Variants in CHD6 observed in about 807,000 individuals in gnomAD.
CHD6 encodes the protein chromodomain helicase DNA binding protein 6.
CHD6 carries 50 observed loss-of-function variants against 276.9 expected under a neutral mutation model. The observed-to-expected ratio is 0.18, with a 90% CI of 0.14 to 0.23. The LOEUF (loss-of-function observed/expected upper bound fraction) is 0.23. Ranked by LOEUF, CHD6 falls within the 10% of genes least tolerant of loss-of-function variation. The pLI is 1.00. For missense variants in CHD6, 2,564 were observed against 3,365.8 expected (o/e 0.76, Z 5.89); for synonymous variants, 1,173 against 1,229.3 (o/e 0.95, Z 0.96).
Position 41,514,864 on chromosome 20 carries a change from C to G in CHD6, c.643G>C (p.Gly215Arg), listed in dbSNP as rs141166557. ...TTVESLELDQ[G>R]LTNPSLRSPE... ...CTCCGCAGAGATGGGTTCGTCAGGC[C>G]CTGATCCAGCTCTAAACTCTCCACT... Residue 215 changes from glycine (G) to arginine (R), a missense_variant, in exon 4 of 37, where the codon GGC (glycine) becomes CGC (arginine). By Grantham distance (125) the Gly-to-Arg change is moderately radical. Coordinates refer to ENST00000373233, the MANE Select transcript of CHD6 (RefSeq NM_032221.5). The G allele has an allele frequency of 2.5e-6, 4 of 1,613,908 alleles. No homozygotes were observed. In the African/African-American group the frequency reaches 5.3e-5, roughly 22 times the overall value.
intron 1 of CHD6, among the ~76,000 whole-genome samples, chr20:41,605,049 G>A (rs929836279): frequency 1.3e-5 from 2 of 152,154 alleles, no homozygotes; most frequent in Admixed American, 6.5e-5. Context: ...CTATGTAGGA[G>A]AATGCCTTTT....
intron 1 of CHD6, among the ~76,000 whole-genome samples, chr20:41,593,603 T>C (rs537041345): frequency 6.6e-6 from 1 of 152,336 alleles, no homozygotes; most frequent in Non-Finnish European, 1.5e-5. Flanking sequence ...ACATGGGTGT[T>C]ATAAGCTGCA....
At chr20:41,583,102 A>C (rs2045558144) in intron 1 of CHD6, among the ~76,000 whole-genome samples, 1 of 152,168 alleles carries the variant, frequency 6.6e-6, no homozygotes, top group Non-Finnish European at 1.5e-5. Context: ...AAAGGCTAAG[A>C]ATTCTCCAAA....
intron 1 of CHD6, among the ~76,000 whole-genome samples, chr20:41,613,807 C>T (rs1250615411): frequency 5.9e-5 from 9 of 152,086 alleles, no homozygotes; most frequent in South Asian, 2.1e-4. Context: ...ATGGATTGTC[C>T]GCCTATAAAA....
At chr20:41,491,498 A>G (rs1454190303) in intron 11 of CHD6, among the ~76,000 whole-genome samples, 200 bp downstream of exon 11, 1 of 151,206 alleles carries the variant, frequency 6.6e-6, no homozygotes, top group Non-Finnish European at 1.5e-5. Flanking sequence ...AGTGATGTCT[A>G]AAGATCATTC....
At chr20:41,428,179 G>A (rs1204175565) in intron 27 of CHD6, among the ~76,000 whole-genome samples, 1 of 152,236 alleles carries the variant, frequency 6.6e-6, no homozygotes, top group Non-Finnish European at 1.5e-5. Context: ...AGTAAGGAAA[G>A]CTTTGAGCAT....
chr20:41,488,788 C>T (rs2043479990), intron 12 of CHD6, among the ~76,000 whole-genome samples, 184 bp from the exon 13 acceptor site: 1 of 152,188 alleles, frequency 6.6e-6, no homozygotes, highest in African/African-American at 2.4e-5. Flanking sequence ...GAAGGCCTCA[C>T]ACCATCAATG....
chr20:41,520,421 A>G (rs938835223), intron 3 of CHD6, among the ~76,000 whole-genome samples: 2 of 152,192 alleles, frequency 1.3e-5, no homozygotes, highest in African/African-American at 4.8e-5. Context: ...GAACCAACCC[A>G]AATGTCCAAC....
intron 1 of CHD6, among the ~76,000 whole-genome samples, chr20:41,588,156 T>G (rs943977108): frequency 1.3e-5 from 2 of 152,156 alleles, no homozygotes; most frequent in Non-Finnish European, 2.9e-5. Flanking sequence ...CAAGAAAACC[T>G]GCTTATGAAA....
chr20:41,557,560 C>T (rs1250635336), intron 1 of CHD6, among the ~76,000 whole-genome samples: 1 of 152,096 alleles, frequency 6.6e-6, no homozygotes, highest in Non-Finnish European at 1.5e-5. Context: ...CATTTATTCA[C>T]AGAAATGATT....
intron 10 of CHD6, 143 bp from the exon 11 acceptor site, chr20:41,491,962 T>C: frequency 2.4e-6 from 2 of 827,732 alleles, no homozygotes; most frequent in Non-Finnish European, 3.8e-6. Flanking sequence ...AACGTATAGG[T>C]TGGGGGAACT....
In CHD6 at chr20:41,404,181, A is replaced by T; in HGVS notation, c.*412T>A. Reference sequence around the variant, plus strand: ...GTTCCCTGTGACATTCTTCCTGTGCAACCCAGCTCACAGAAAAAGAGCTCC... The same window carrying T: ...GTTCCCTGTGACATTCTTCCTGTGCTACCCAGCTCACAGAAAAAGAGCTCC... On this transcript the variant is annotated 3_prime_UTR_variant, in exon 37 of 37. Coordinates refer to ENST00000373233, the MANE Select transcript of CHD6 (RefSeq NM_032221.5). 9.4e-7 allele frequency: 1 copy of T among 1,064,502 alleles called. No individual in the cohort carries two copies. Among genetic ancestry groups the T allele is most frequent in the Non-Finnish European group, 1.1e-6 (1 of 879,496 alleles). The allele number at this position is 1,064,502 out of a possible 1,614,324, so 65.9% of individuals were successfully genotyped here.
chr20:41,546,127 G>C (rs1027316088), intron 2 of CHD6, among the ~76,000 whole-genome samples: 2 of 148,176 alleles, frequency 1.3e-5, no homozygotes, highest in Non-Finnish European at 2.9e-5. Context: ...TTCTGAACTA[G>C]TATTAATAAA....
chr20:41,463,331 T>C (rs2042845354), intron 17 of CHD6, among the ~76,000 whole-genome samples: 1 of 152,212 alleles, frequency 6.6e-6, no homozygotes, highest in African/African-American at 2.4e-5. Context: ...AAATAATCAA[T>C]GGATGCTAAA....
rs539937184 is a variant in CHD6 at position 41,547,542 on chromosome 20, A to T, written c.33+3763T>A. The T allele has an allele frequency of 3.1e-4, 146 of 471,924 alleles. 2 individuals carry two copies. Among genetic ancestry groups the T allele is most frequent in the Middle Eastern group, 2.9e-3 (4 of 1,366 alleles). 29.2% of individuals were successfully genotyped at this position (471,924 alleles called of 1,614,324 possible). On this transcript the variant is annotated intron_variant, in intron 2 of 36. Coordinates refer to ENST00000373233, the MANE Select transcript of CHD6 (RefSeq NM_032221.5). ...AAGACCCCTGGGTCTGTCTCCCAAA[A>T]AGGTTGATGATGACATTGCCAAGGC...
At chr20:41,419,992 G>C (rs1397224624) in intron 31 of CHD6, among the ~76,000 whole-genome samples, 1 of 152,164 alleles carries the variant, frequency 6.6e-6, no homozygotes, top group Non-Finnish European at 1.5e-5. Context: ...TTACTGAAAG[G>C]AATCTAAATC....
intron 2 of CHD6, among the ~76,000 whole-genome samples, chr20:41,539,944 T>C (rs1191768637): frequency 1.3e-5 from 2 of 152,210 alleles, no homozygotes; most frequent in African/African-American, 4.8e-5. Flanking sequence ...TATGGTCTAA[T>C]CACATTTTTG....
chr20:41,606,238 G>A (rs2045826702), intron 1 of CHD6, among the ~76,000 whole-genome samples: 1 of 152,118 alleles, frequency 6.6e-6, no homozygotes, highest in Non-Finnish European at 1.5e-5. Flanking sequence ...CTGGCCAGGT[G>A]TGGTAGCTCA....
intron 23 of CHD6, among the ~76,000 whole-genome samples, chr20:41,450,641 G>A (rs1295091967): frequency 1.3e-5 from 2 of 152,158 alleles, no homozygotes; most frequent in African/African-American, 4.8e-5. Flanking sequence ...TTGTTAATGT[G>A]ACCTCAGGGG....
Sources: allele counts gnomAD v4.1 joint callset (sites outside exome capture counted in the v4.1 genomes callset), GRCh38; gene constraint gnomAD v4.1.1; transcripts MANE v1.5; gene names NCBI Gene and HGNC (gene_info 2026-07-23, HGNC 2026-07-21).